ARMC3: variants seen among roughly 807,000 people sequenced by gnomAD.
The protein encoded by ARMC3 is armadillo repeat containing 3, also known as armadillo repeat-containing protein 3.
A neutral mutation model predicts 90.3 loss-of-function variants in ARMC3; 74 were observed. That is an observed-to-expected ratio of 0.82 (90% CI 0.68 to 0.99). The LOEUF (loss-of-function observed/expected upper bound fraction) is 0.99. ARMC3 is among the 50% of genes least tolerant of loss of function. The probability of loss-of-function intolerance (pLI) is 0.00; values close to 1 mark genes in which losing one functional copy is unlikely to be tolerated. For missense variants in ARMC3, 958 were observed against 1,042.8 expected (o/e 0.92, Z 1.12); for synonymous variants, 334 against 361.8 (o/e 0.92, Z 0.87).
At chr10:23,003,917 G>T (rs1837448829) in intron 13 of ARMC3, among the ~76,000 whole-genome samples, 1 of 152,176 alleles carries the variant, frequency 6.6e-6, no homozygotes, top group African/African-American at 2.4e-5. Context: ...GGAGTCTGAG[G>T]TAGGAGAATC....
rs537428205 is a variant in ARMC3, at chr10:23,004,157, TG to T, written c.1731+748del. ...AAAAAAAAAAGTAGCATTTAAAATT[TG>T]GGGGCTCTATTATCTGTATTACATG... On this transcript the variant is annotated intron_variant, in intron 13 of 18. Transcript: ENST00000298032. 2.8e-3 allele frequency among the ~76,000 whole-genome samples: 421 copies of T among 151,740 alleles called. 1 individual carries two copies. The highest frequency in any genetic ancestry group is 0.017 in the Middle Eastern group (5 of 294).
chr10:23,035,508 C>A (rs1050557905), intron 18 of ARMC3, among the ~76,000 whole-genome samples: 2 of 151,840 alleles, frequency 1.3e-5, no homozygotes, highest in Non-Finnish European at 2.9e-5. Context: ...AATATCTTAT[C>A]CTTCCCCTCC....
chr10:22,993,616 C>T (rs1326152347), intron 10 of ARMC3, among the ~76,000 whole-genome samples: 1 of 152,000 alleles, frequency 6.6e-6, no homozygotes, highest in Non-Finnish European at 1.5e-5. Flanking sequence ...TTCTCAGCAC[C>T]GGAAATATAA....
At chr10:22,943,047 T>TG (rs1834379889) in intron 2 of ARMC3, among the ~76,000 whole-genome samples, 1 of 152,156 alleles carries the variant, frequency 6.6e-6, no homozygotes, top group Non-Finnish European at 1.5e-5. Context: ...TTATCTCTCA[T>TG]GGGGGCAGGG....
At chr10:22,967,660 G>C (rs546426179) in intron 7 of ARMC3, among the ~76,000 whole-genome samples, 90 of 152,278 alleles carry the variant, frequency 5.9e-4, no homozygotes, top group Non-Finnish European at 1.2e-3. Context: ...TCTTCAAAAG[G>C]CCATTCTATC....
intron 10 of ARMC3, among the ~76,000 whole-genome samples, chr10:22,989,164 C>CTAAGATA (rs1183401499): frequency 6.6e-6 from 1 of 152,180 alleles, no homozygotes; most frequent in African/African-American, 2.4e-5. Flanking sequence ...TTGGAACACT[C>CTAAGATA]TCCAGTGTAT....
intron 16 of ARMC3, among the ~76,000 whole-genome samples, chr10:23,019,216 G>A (rs529598762): frequency 2.0e-5 from 3 of 152,346 alleles, no homozygotes; most frequent in South Asian, 4.1e-4. Flanking sequence ...TTGGTGCAGA[G>A]TAAAAAGTGG....
intron 1 of ARMC3, among the ~76,000 whole-genome samples, chr10:22,930,459 G>C (rs1588797119): frequency 1.3e-5 from 2 of 152,176 alleles, no homozygotes; most frequent in Non-Finnish European, 2.9e-5. Context: ...TTTTTATGAT[G>C]CAAATGACAT....
rs189740827 is a variant in ARMC3 at position 22,974,382 on chromosome 10, G to C, written c.916+5893G>C. ...AAGGCAAGGCAAATAAATATTGTTA[G>C]ATTTATTTTTATAGCTACTATATTC... On this transcript the variant is annotated intron_variant, in intron 8 of 18. Transcript: ENST00000298032. Among the ~76,000 whole-genome samples the C allele has an allele frequency of 2.2e-3, 329 of 152,148 alleles. 4 individuals carry two copies. The highest frequency in any genetic ancestry group is 7.0e-3 in the African/African-American group (292 of 41,524).
chr10:22,979,711 C>T (rs1363812763), intron 8 of ARMC3, among the ~76,000 whole-genome samples: 4 of 151,834 alleles, frequency 2.6e-5, no homozygotes, highest in East Asian at 1.9e-4. Context: ...TAATAAGAAC[C>T]GTGTATATTT....
intron 6 of ARMC3, 156 bp downstream of exon 6, chr10:22,959,730 G>C: frequency 1.4e-6 from 1 of 726,600 alleles, no homozygotes; most frequent in Non-Finnish European, 2.3e-6. Flanking sequence ...AATAATGGAA[G>C]CTTAATGTAG....
chr10:23,011,619 CCT>C (rs1838017270), intron 16 of ARMC3, among the ~76,000 whole-genome samples: 1 of 152,192 alleles, frequency 6.6e-6, no homozygotes, highest in Non-Finnish European at 1.5e-5. Context: ...TCTCTCTTCC[CCT>C]CTCTCTTACT....
intron 16 of ARMC3, among the ~76,000 whole-genome samples, chr10:23,019,980 G>A (rs75281241): frequency 0.02 from 3,055 of 152,234 alleles, 104 homozygotes; most frequent in African/African-American, 0.071. Flanking sequence ...GTTTATTTTG[G>A]AGTATTATTT....
At chr10:22,977,261 C>T (rs1364488927) in intron 8 of ARMC3, among the ~76,000 whole-genome samples, 2 of 152,132 alleles carry the variant, frequency 1.3e-5, no homozygotes, top group Non-Finnish European at 1.5e-5. Flanking sequence ...ATTAAAAAAC[C>T]TGCTTCCTCG....
At chr10:23,028,413 C>T (rs949229252) in intron 16 of ARMC3, among the ~76,000 whole-genome samples, 2 of 152,006 alleles carry the variant, frequency 1.3e-5, no homozygotes, top group Non-Finnish European at 2.9e-5. Flanking sequence ...TTTTTAAAGT[C>T]TTTGTGTAAT....
In ARMC3 at chr10:23,003,287, G is replaced by A. The variant is rs185170822; in HGVS notation, c.1604G>A (p.Arg535Gln). ...GAAGAAGTTAACGTATCAGGAACTC[G>A]GAAAAATAAATTCAGTGAGGCAGCT... Reference protein sequence around the residue: ...ILEEVNVSGTRKNKFSEAAYN... With the variant: ...ILEEVNVSGTQKNKFSEAAYN... The change falls in exon 13 of 19, where the codon CGG (arginine) becomes CAG (glutamine). Residue 535 changes from arginine (R) to glutamine (Q), a missense_variant. Transcript: ENST00000298032. The A allele has an allele frequency of 1.6e-5, 25 of 1,612,704 alleles. No individual in the cohort carries two copies. Among genetic ancestry groups the A allele is most frequent in the East Asian group, 8.9e-5 (4 of 44,820 alleles).
At chr10:22,981,555 GCA>G in intron 9 of ARMC3, 38 bp from the exon 10 acceptor site, 5 of 1,613,184 alleles carry the variant, frequency 3.1e-6, no homozygotes, top group Non-Finnish European at 4.2e-6. Flanking sequence ...GTGCACATGG[GCA>G]TTTTAAAAGT....
chr10:23,030,448 A>G (rs1838877672), intron 16 of ARMC3, 148 bp from the exon 17 acceptor site: 1 of 1,361,388 alleles, frequency 7.3e-7, no homozygotes, highest in African/African-American at 1.5e-5. Context: ...AAAAATCCAC[A>G]TATAAGTGGA....
chr10:23,003,841 CAA>C (rs34984819), intron 13 of ARMC3, among the ~76,000 whole-genome samples: 7 of 146,804 alleles, frequency 4.8e-5, no homozygotes, highest in Non-Finnish European at 4.5e-5. Context: ...AAGACCCTGT[CAA>C]AAAAAAAAAG....
Sources: gnomAD v4.1 joint callset for allele counts (sites outside exome capture counted in the v4.1 genomes callset) on GRCh38, gnomAD v4.1.1 for gene constraint, MANE v1.5 for transcripts, NCBI Gene and HGNC (gene_info 2026-07-23, HGNC 2026-07-21) for gene names.